FOXP1: variants seen among roughly 807,000 people sequenced by gnomAD.
FOXP1 encodes the protein forkhead box P1.
In FOXP1, 15 loss-of-function variants were observed where a neutral mutation model predicts 98.2. The observed-to-expected ratio is 0.15, with a 90% CI of 0.10 to 0.24. The LOEUF (loss-of-function observed/expected upper bound fraction) is 0.24, where lower values mean the gene tolerates loss of function less well. Among genes scored for constraint, FOXP1 ranks in the 10% least tolerant of loss-of-function variants. The pLI is 1.00. For missense variants in FOXP1, 633 were observed against 848.5 expected, an observed-to-expected ratio of 0.75 and a Z score of 3.15; for synonymous variants, 371 against 314.5, an observed-to-expected ratio of 1.18 and a Z score of -1.90.
chr3:71,291,495 G>T (rs557851635), intron 5 of FOXP1, among the ~76,000 whole-genome samples: 1 of 152,252 alleles, frequency 6.6e-6, no homozygotes, highest in South Asian at 2.1e-4. Context: ...ACACTGGACA[G>T]GGGAGGTCAA....
intron 3 of FOXP1, among the ~76,000 whole-genome samples, chr3:71,421,241 G>A (rs2083619428): frequency 6.6e-6 from 1 of 151,962 alleles, no homozygotes; most frequent in Admixed American, 6.6e-5. Context: ...GAAACTACAG[G>A]GGAAAGTGAA....
At chr3:71,200,197 C>T (rs925043297) in intron 5 of FOXP1, among the ~76,000 whole-genome samples, 2 of 151,642 alleles carry the variant, frequency 1.3e-5, no homozygotes, top group Non-Finnish European at 2.9e-5. Context: ...GCCGATTCAG[C>T]ACTTGGCTCA....
chr3:71,529,897 C>G (rs1000923207), intron 2 of FOXP1, among the ~76,000 whole-genome samples: 1 of 152,102 alleles, frequency 6.6e-6, no homozygotes, highest in African/African-American at 2.4e-5. Context: ...GTTGTGTAAG[C>G]TATTCTAATT....
chr3:71,161,118 G>A (rs371410311), intron 6 of FOXP1, among the ~76,000 whole-genome samples: 181 of 152,352 alleles, frequency 1.2e-3, no homozygotes, highest in Non-Finnish European at 2.2e-3. Context: ...AGAAAATGTA[G>A]AATAAGAATG....
At chr3:71,563,677 A>T (rs533196328) in intron 2 of FOXP1, among the ~76,000 whole-genome samples, 1 of 152,354 alleles carries the variant, frequency 6.6e-6, no homozygotes, top group South Asian at 2.1e-4. Context: ...ACACAGTCTC[A>T]AACCCAGAGG....
intron 3 of FOXP1, among the ~76,000 whole-genome samples, chr3:71,372,959 G>C (rs2107996484): frequency 6.6e-6 from 1 of 152,240 alleles, no homozygotes; most frequent in Non-Finnish European, 1.5e-5. Context: ...TGTCTGAAAG[G>C]TAGGATCCTT....
intron 5 of FOXP1, among the ~76,000 whole-genome samples, chr3:71,268,092 T>A (rs992337103): frequency 1.5e-5 from 2 of 137,612 alleles, no homozygotes; most frequent in Non-Finnish European, 3.2e-5. Flanking sequence ...TTTCTTTTCT[T>A]TTTTTTTTTT....
intron 4 of FOXP1, among the ~76,000 whole-genome samples, chr3:71,351,923 TA>T (rs1418825636): frequency 4.6e-5 from 7 of 152,172 alleles, no homozygotes; most frequent in Admixed American, 2.6e-4. Flanking sequence ...GAATGGCAAT[TA>T]AGTGGTTGTC....
At chr3:71,218,972 T>C (rs992551191) in intron 5 of FOXP1, among the ~76,000 whole-genome samples, 7 of 152,218 alleles carry the variant, frequency 4.6e-5, no homozygotes, top group Non-Finnish European at 8.8e-5. Context: ...CCACAAATTT[T>C]GCCTCAAACT....
chr3:71,008,795 T>G (rs1056108793), intron 12 of FOXP1, among the ~76,000 whole-genome samples: 1 of 151,974 alleles, frequency 6.6e-6, no homozygotes, highest in Non-Finnish European at 1.5e-5. Flanking sequence ...TGCAGAATGA[T>G]CACAGAAAAG....
At chr3:71,273,655 G>GA (rs1257139535) in intron 5 of FOXP1, among the ~76,000 whole-genome samples, 1 of 152,134 alleles carries the variant, frequency 6.6e-6, no homozygotes, top group Admixed American at 6.5e-5. Context: ...CTAATGGGGG[G>GA]ATGACTGCTT....
At chr3:71,314,072 T>G (rs2074901035) in intron 4 of FOXP1, among the ~76,000 whole-genome samples, 1 of 152,182 alleles carries the variant, frequency 6.6e-6, no homozygotes, top group African/African-American at 2.4e-5. Context: ...TATTTGCTTT[T>G]GTAGAATAAA....
chr3:71,235,749 G>A (rs2066715496), intron 5 of FOXP1, among the ~76,000 whole-genome samples: 1 of 152,050 alleles, frequency 6.6e-6, no homozygotes, highest in African/African-American at 2.4e-5. Flanking sequence ...TGCATTTTTA[G>A]TAGAGATGGG....
chr3:71,527,860 A>T (rs568182499), intron 2 of FOXP1, among the ~76,000 whole-genome samples: 2 of 152,260 alleles, frequency 1.3e-5, no homozygotes, highest in Non-Finnish European at 2.9e-5. Flanking sequence ...TGTCCTGTCT[A>T]CATATACTTT....
intron 4 of FOXP1, among the ~76,000 whole-genome samples, chr3:71,303,207 T>C (rs1309824372): frequency 6.6e-6 from 1 of 152,204 alleles, no homozygotes; most frequent in Admixed American, 6.5e-5. Context: ...GCATTATATT[T>C]CATTTTATAT....
chr3:71,351,754 G>T lies in FOXP1; in HGVS notation c.-73+7396C>A, dbSNP rs752454555. Reference sequence around the variant, plus strand: ...GGAGACCCTCTCACTTTTCACACAGGTGATTGAGCAGAACAAATCAATTAT... The same window carrying T: ...GGAGACCCTCTCACTTTTCACACAGTTGATTGAGCAGAACAAATCAATTAT... On this transcript the variant is annotated intron_variant, in intron 4 of 20. Transcript: ENST00000649528. Among the ~76,000 whole-genome samples, 47 of 152,292 alleles carry T rather than the reference G, an allele frequency of 3.1e-4. 1 individual carries two copies. Among genetic ancestry groups the T allele is most frequent in the Non-Finnish European group, 5.9e-4 (40 of 68,028 alleles).
At chr3:71,307,993 G>T (rs1403106383) in intron 4 of FOXP1, among the ~76,000 whole-genome samples, 1 of 152,204 alleles carries the variant, frequency 6.6e-6, no homozygotes, top group Non-Finnish European at 1.5e-5. Context: ...TGCTGAAAGA[G>T]CGCCGGATTC....
At chr3:71,321,121 C>CAAAAAAA (rs11293559) in intron 4 of FOXP1, among the ~76,000 whole-genome samples, 1 of 121,996 alleles carries the variant, frequency 8.2e-6, no homozygotes, top group Non-Finnish European at 1.7e-5. Context: ...TAGACTGTAC[C>CAAAAAAA]AAAAAAAAAA....
At chr3:71,212,098 AG>A (rs1230387958) in intron 5 of FOXP1, among the ~76,000 whole-genome samples, 6 of 152,292 alleles carry the variant, frequency 3.9e-5, no homozygotes, top group Middle Eastern at 3.4e-3. Flanking sequence ...CAACTGGGAG[AG>A]ACAGATTAAA....
Sources: gnomAD v4.1 joint callset for allele counts (sites outside exome capture counted in the v4.1 genomes callset) on GRCh38, gnomAD v4.1.1 for gene constraint, MANE v1.5 for transcripts, NCBI Gene and HGNC (gene_info 2026-07-23, HGNC 2026-07-21) for gene names.